Variants in MYBPC1 observed in about 807,000 individuals in gnomAD.
MYBPC1 encodes myosin-binding protein C, slow-type.
In MYBPC1, 52 loss-of-function variants were observed where a neutral mutation model predicts 147.1. That is an observed-to-expected ratio of 0.35 (90% confidence interval 0.28 to 0.45). The LOEUF is 0.45. MYBPC1 is among the 20% of genes least tolerant of loss of function. The probability of loss-of-function intolerance (pLI) is 1.00; values close to 1 mark genes in which losing one functional copy is unlikely to be tolerated. For synonymous variants in MYBPC1, 477 were observed against 475.9 expected, an observed-to-expected ratio of 1.00 and a Z score of -0.03; for missense variants, 1,228 against 1,440.3, an observed-to-expected ratio of 0.85 and a Z score of 2.39.
At chr12:101,668,240 A>G (rs905196077) in intron 23 of MYBPC1, among the ~76,000 whole-genome samples, 1 of 152,182 alleles carries the variant, frequency 6.6e-6, no homozygotes, top group Non-Finnish European at 1.5e-5. Context: ...CCTCCAATGA[A>G]TCTGCAGGGT....
In MYBPC1 at chr12:101,599,730, T is replaced by G. The variant is rs1299211399; in HGVS notation, c.25+4635T>G. Among the ~76,000 whole-genome samples the G allele has an allele frequency of 2.6e-5, 4 of 152,206 alleles. No homozygotes were observed. The East Asian group carries it at 7.7e-4, about 29-fold the overall frequency. On this transcript the variant is annotated intron_variant, in intron 1 of 31. Coordinates refer to ENST00000361466, the MANE Select transcript of MYBPC1 (RefSeq NM_002465.4). ...AGATAGTTTATCAAGGGCAATTGTT[T>G]CCCTTTTGACTTCAAATGGTTCATC... is the stretch of plus-strand genomic sequence containing the variant.
chr12:101,626,430 G>GA (rs1270290964), intron 3 of MYBPC1, among the ~76,000 whole-genome samples: 1 of 152,152 alleles, frequency 6.6e-6, no homozygotes, highest in African/African-American at 2.4e-5. Context: ...TTTCTGGGTA[G>GA]AAATGAGTTC....
chr12:101,665,790 A>G (rs532548789), intron 22 of MYBPC1, among the ~76,000 whole-genome samples: 1 of 152,010 alleles, frequency 6.6e-6, no homozygotes, highest in East Asian at 1.9e-4. Context: ...TCTTATTTTC[A>G]CTTTCTCATC....
chr12:101,676,332 G>T (rs181531656), intron 26 of MYBPC1, among the ~76,000 whole-genome samples: 27 of 152,124 alleles, frequency 1.8e-4, no homozygotes, highest in Admixed American at 1.8e-3. Flanking sequence ...CCAGCTACTT[G>T]GGAGGCTGAG....
At chr12:101,640,504 T>C (rs1891814411) in intron 10 of MYBPC1, among the ~76,000 whole-genome samples, 1 of 152,234 alleles carries the variant, frequency 6.6e-6, no homozygotes, top group Non-Finnish European at 1.5e-5. Context: ...AGCTGTTATT[T>C]CAGTGAGATG....
At chr12:101,606,590 C>T (rs1350127025) in intron 1 of MYBPC1, among the ~76,000 whole-genome samples, 2 of 151,840 alleles carry the variant, frequency 1.3e-5, no homozygotes, top group Non-Finnish European at 2.9e-5. Flanking sequence ...AGGCTTGAGC[C>T]ACCATGCCCA....
chr12:101,624,038 C>G (rs767354644), intron 3 of MYBPC1, among the ~76,000 whole-genome samples: 2 of 152,098 alleles, frequency 1.3e-5, no homozygotes, highest in Non-Finnish European at 2.9e-5. Flanking sequence ...ACTTCCAGTA[C>G]ACATTATTTG....
intron 1 of MYBPC1, among the ~76,000 whole-genome samples, chr12:101,609,245 A>G (rs957385711): frequency 1.3e-5 from 2 of 152,052 alleles, no homozygotes; most frequent in Non-Finnish European, 2.9e-5. Flanking sequence ...CAGCAGCATC[A>G]CCTGGGAGCC....
intron 1 of MYBPC1, among the ~76,000 whole-genome samples, chr12:101,599,701 G>A (rs1057039791): frequency 1.3e-5 from 2 of 150,984 alleles, no homozygotes; most frequent in Non-Finnish European, 3.0e-5. Flanking sequence ...TAGGGGAGGA[G>A]GAAAGATAGT....
chr12:101,621,601 A>G (rs1292177619), intron 3 of MYBPC1, among the ~76,000 whole-genome samples: 2 of 152,194 alleles, frequency 1.3e-5, no homozygotes, highest in African/African-American at 4.8e-5. Flanking sequence ...TTGTATCAGT[A>G]TTTCACTGTT....
At chr12:101,598,513 C>T (rs1878418337) in intron 1 of MYBPC1, among the ~76,000 whole-genome samples, 1 of 152,054 alleles carries the variant, frequency 6.6e-6, no homozygotes, top group Admixed American at 6.6e-5. Flanking sequence ...TGATTAAAAC[C>T]ATAAAGCCTG....
intron 15 of MYBPC1, among the ~76,000 whole-genome samples, chr12:101,649,996 A>C (rs1214329542): frequency 6.6e-6 from 1 of 152,220 alleles, no homozygotes; most frequent in Admixed American, 6.5e-5. Context: ...AAAGAGCAGA[A>C]ATCTTACTTC....
intron 26 of MYBPC1, among the ~76,000 whole-genome samples, 171 bp downstream of exon 26, chr12:101,675,602 C>T (rs917010025): frequency 3.3e-5 from 5 of 152,188 alleles, no homozygotes; most frequent in Admixed American, 2.6e-4. Flanking sequence ...TCTTAAACCC[C>T]AGCATTGCTA....
chr12:101,651,657 G>A (rs1894480542), intron 16 of MYBPC1, among the ~76,000 whole-genome samples: 2 of 152,110 alleles, frequency 1.3e-5, no homozygotes, highest in African/African-American at 4.8e-5. Context: ...CATGAAGTTA[G>A]AGGCCAGGCA....
At chr12:101,646,989 G>A in intron 13 of MYBPC1, 102 bp downstream of exon 13, 1 of 1,441,270 alleles carries the variant, frequency 6.9e-7, no homozygotes, top group Non-Finnish European at 9.7e-7. Context: ...TACACTGGCA[G>A]CTATTATGGA....
At chr12:101,629,728 C>T (rs529082470) in intron 6 of MYBPC1, among the ~76,000 whole-genome samples, 184 bp downstream of exon 6, 18 of 152,150 alleles carry the variant, frequency 1.2e-4, no homozygotes, top group African/African-American at 4.8e-5. Context: ...CAAAAATTAG[C>T]AGGGCATGGT....
intron 22 of MYBPC1, among the ~76,000 whole-genome samples, chr12:101,667,147 C>A (rs1353940422): frequency 6.6e-6 from 1 of 152,192 alleles, no homozygotes; most frequent in Non-Finnish European, 1.5e-5. Flanking sequence ...TAGAATTCTA[C>A]CAACTCCTTA....
At chr12:101,675,460 G>A in intron 26 of MYBPC1, 29 bp downstream of exon 26, 3 of 1,613,820 alleles carry the variant, frequency 1.9e-6, no homozygotes, top group Non-Finnish European at 2.5e-6. Context: ...TGGTTCATCA[G>A]TAGCAAAAGG....
intron 18 of MYBPC1, among the ~76,000 whole-genome samples, chr12:101,658,264 A>G (rs571399186): frequency 4.4e-4 from 67 of 152,294 alleles, no homozygotes; most frequent in African/African-American, 1.5e-3. Context: ...GTAATCCACT[A>G]CATCAACAGG....
Sources: allele counts gnomAD v4.1 joint callset (sites outside exome capture counted in the v4.1 genomes callset), GRCh38; gene constraint gnomAD v4.1.1; transcripts MANE v1.5; gene names NCBI Gene and HGNC (gene_info 2026-07-23, HGNC 2026-07-21).